EFCAB6: variants seen among roughly 807,000 people sequenced by gnomAD.
EFCAB6 encodes EF-hand calcium-binding domain-containing protein 6.
Under a neutral mutation model 169.8 loss-of-function variants are expected in EFCAB6, and 156 were observed. That is an observed-to-expected ratio of 0.92 (90% confidence interval 0.81 to 1.05). The LOEUF (loss-of-function observed/expected upper bound fraction) is 1.05. Ranked by LOEUF, EFCAB6 falls within the 50% of genes least tolerant of loss-of-function variation. The pLI is 0.00. For synonymous variants in EFCAB6, 698 were observed against 676.4 expected, an observed-to-expected ratio of 1.03 and a Z score of -0.50; for missense variants, 1,800 against 1,829.1, an observed-to-expected ratio of 0.98 and a Z score of 0.29.
In EFCAB6 at chr22:43,803,061, TAAG is replaced by T. The variant is rs538488108; in HGVS notation, c.-8+5931_-8+5933del. On this transcript the variant is annotated intron_variant, in intron 2 of 31. Transcript: ENST00000262726. ...CATAGCCACTTTAGCATGAAAGCCTTAAGGAGGGGAAAACAAATTTATTTTTAT... is the reference window on the plus strand; with the variant it reads ...CATAGCCACTTTAGCATGAAAGCCTTGAGGGGAAAACAAATTTATTTTTAT... 7.9e-5 allele frequency among the ~76,000 whole-genome samples: 12 copies of T among 152,324 alleles called. No homozygotes were observed. The South Asian group carries it at 2.3e-3, about 29-fold the overall frequency.
chr22:43,587,414 G>T (rs2051150693), intron 24 of EFCAB6, among the ~76,000 whole-genome samples: 1 of 152,184 alleles, frequency 6.6e-6, no homozygotes, highest in Admixed American at 6.5e-5. Context: ...TTACAGTTCT[G>T]GACACCGGAA....
intron 2 of EFCAB6, among the ~76,000 whole-genome samples, chr22:43,803,317 G>A (rs934616620): frequency 6.6e-6 from 1 of 152,134 alleles, no homozygotes; most frequent in African/African-American, 2.4e-5. Flanking sequence ...TCATGCTTGG[G>A]TCATGAAAAG....
chr22:43,755,374 G>C (rs770462027), intron 6 of EFCAB6, among the ~76,000 whole-genome samples: 2 of 152,186 alleles, frequency 1.3e-5, no homozygotes, highest in Non-Finnish European at 2.9e-5. Context: ...CTTTGAGTTT[G>C]ACTGGTTATT....
chr22:43,554,651 A>G, intron 27 of EFCAB6: 1 of 564,882 alleles, frequency 1.8e-6, no homozygotes, highest in South Asian at 2.2e-5. Context: ...TAAAGGCAAC[A>G]GTGACAGTAT....
chr22:43,808,122 G>C (rs749241646), intron 2 of EFCAB6, among the ~76,000 whole-genome samples: 32 of 152,292 alleles, frequency 2.1e-4, no homozygotes, highest in South Asian at 4.1e-4. Flanking sequence ...TGTCTGTACT[G>C]AATATGTATG....
At chr22:43,609,056 G>A (rs1162042385) in intron 21 of EFCAB6, among the ~76,000 whole-genome samples, 1 of 152,186 alleles carries the variant, frequency 6.6e-6, no homozygotes, top group Non-Finnish European at 1.5e-5. Flanking sequence ...GGTACAGAAG[G>A]TATTGTCAGG....
intron 27 of EFCAB6, among the ~76,000 whole-genome samples, chr22:43,547,185 C>A (rs1324161643): frequency 6.6e-6 from 1 of 152,056 alleles, no homozygotes; most frequent in East Asian, 1.9e-4. Flanking sequence ...GGAGTTAGGG[C>A]AACTCAATGT....
At position 43,608,556 on chromosome 22, in the gene EFCAB6, G is replaced by C; in HGVS notation, c.2607C>G (p.Arg869=). The C allele has an allele frequency of 1.2e-6, 2 of 1,614,128 alleles. No individual in the cohort carries two copies. The highest frequency in any genetic ancestry group is 1.7e-6 in the Non-Finnish European group (2 of 1,180,034). The change falls in exon 22 of 32, where the codon CGC becomes CGG. Residue 869 remains arginine, a synonymous_variant. Transcript: ENST00000262726. ...TDNEGNGILR[R]RDIKNALYGF... is the part of the protein sequence containing the mutation. ...CGTACAGTGCGTTCTTTATGTCCCGGCGTCGAAGAATGCCATTGCCCTCAT... is the reference window on the plus strand; with the variant it reads ...CGTACAGTGCGTTCTTTATGTCCCGCCGTCGAAGAATGCCATTGCCCTCAT...
At chr22:43,692,275 T>C (rs924595839) in intron 10 of EFCAB6, among the ~76,000 whole-genome samples, 4 of 152,066 alleles carry the variant, frequency 2.6e-5, no homozygotes, top group African/African-American at 9.7e-5. Flanking sequence ...AGAAAGAACA[T>C]TCATTAGAAA....
At chr22:43,781,051 G>A (rs1303818057) in intron 3 of EFCAB6, among the ~76,000 whole-genome samples, 4 of 152,098 alleles carry the variant, frequency 2.6e-5, no homozygotes, top group Non-Finnish European at 4.4e-5. Flanking sequence ...CTTCTCTCAG[G>A]TGCATCTCTT....
At chr22:43,668,836 G>A in intron 16 of EFCAB6, 36 bp downstream of exon 16, 1 of 1,526,144 alleles carries the variant, frequency 6.6e-7, no homozygotes, top group Middle Eastern at 1.7e-4. Context: ...CAGACACTGT[G>A]GTTTTGATAT....
intron 10 of EFCAB6, among the ~76,000 whole-genome samples, chr22:43,699,955 C>T (rs1447504606): frequency 6.6e-6 from 1 of 152,278 alleles, no homozygotes; most frequent in Non-Finnish European, 1.5e-5. Flanking sequence ...TGATCTCCGG[C>T]GAATACGCAA....
chr22:43,802,022 G>A (rs1253261445), intron 2 of EFCAB6, among the ~76,000 whole-genome samples: 1 of 152,164 alleles, frequency 6.6e-6, no homozygotes, highest in Admixed American at 6.5e-5. Flanking sequence ...GGATGGAAAG[G>A]ATATTCCATG....
chr22:43,653,773 G>A (rs1485391915), intron 17 of EFCAB6, among the ~76,000 whole-genome samples: 1 of 152,120 alleles, frequency 6.6e-6, no homozygotes, highest in African/African-American at 2.4e-5. Context: ...TAGTGGCCCT[G>A]TCTTTGGAGG....
intron 4 of EFCAB6, among the ~76,000 whole-genome samples, chr22:43,772,641 C>CAAAA (rs11285899): frequency 4.2e-5 from 5 of 120,186 alleles, no homozygotes; most frequent in African/African-American, 9.4e-5. Context: ...AATTCTGTCT[C>CAAAA]AAAAAAAAAA....
chr22:43,751,206 G>A (rs892455003), intron 6 of EFCAB6, among the ~76,000 whole-genome samples: 16 of 151,904 alleles, frequency 1.1e-4, no homozygotes, highest in Non-Finnish European at 1.8e-4. Context: ...TTTTTTTTGT[G>A]AGGGGGAGAG....
chr22:43,776,304 G>A (rs535677581), intron 3 of EFCAB6, among the ~76,000 whole-genome samples: 25 of 152,314 alleles, frequency 1.6e-4, no homozygotes, highest in African/African-American at 4.3e-4. Flanking sequence ...GAAAAATGTC[G>A]TATGTCAACA....
At chr22:43,800,414 T>A (rs574287851) in intron 2 of EFCAB6, among the ~76,000 whole-genome samples, 1 of 152,270 alleles carries the variant, frequency 6.6e-6, no homozygotes, top group East Asian at 1.9e-4. Flanking sequence ...TGCAAAAACA[T>A]AGATGTACAT....
intron 26 of EFCAB6, among the ~76,000 whole-genome samples, chr22:43,573,340 G>T (rs761792451): frequency 1.3e-5 from 2 of 151,956 alleles, no homozygotes; most frequent in Non-Finnish European, 2.9e-5. Flanking sequence ...AATGAAAAAT[G>T]TTTGTTAAAA....
Sources: allele counts gnomAD v4.1 joint callset (sites outside exome capture counted in the v4.1 genomes callset), GRCh38; gene constraint gnomAD v4.1.1; transcripts MANE v1.5; gene names NCBI Gene and HGNC (gene_info 2026-07-23, HGNC 2026-07-21).